The following LYST variants were observed in gnomAD, a reference collection of about 807,000 sequenced individuals.
LYST encodes lysosomal-trafficking regulator.
A neutral mutation model predicts 413.6 loss-of-function variants in LYST; 192 were observed. That is an observed-to-expected ratio of 0.46 (90% CI 0.41 to 0.52). The LOEUF is 0.52. Ranked by LOEUF, LYST falls within the 20% of genes least tolerant of loss-of-function variation. The pLI is 0.00. For missense variants in LYST, 3,815 were observed against 4,499.9 expected, an observed-to-expected ratio of 0.85 and a Z score of 4.35; for synonymous variants, 1,525 against 1,567.3, an observed-to-expected ratio of 0.97 and a Z score of 0.64.
In LYST at chr1:235,787,327, G is replaced by T; in HGVS notation, c.4735C>A (p.Gln1579Lys). ...AAAATATTCTCCTGTGATTCAACCT[G>T]TGCTAGTAAAACAGCTTTCATGTCA... is the stretch of plus-strand genomic sequence containing the variant. ...NDDMKAVLLA[Q>K]VESQENIFLP... Residue 1579 changes from glutamine (Q) to lysine (K), a missense_variant, in exon 14 of 53, where the codon CAG (glutamine) becomes AAG (lysine). Gln to Lys is a moderately conservative substitution (Grantham distance 53, BLOSUM62 1). Coordinates refer to ENST00000389793, the MANE Select transcript of LYST (RefSeq NM_000081.4). The T allele has an allele frequency of 1.2e-6, 2 of 1,613,724 alleles. No homozygotes were observed. The highest frequency in any genetic ancestry group is 1.7e-6 in the Non-Finnish European group (2 of 1,179,748).
chr1:235,805,605 TTA>T (rs776364976), intron 6 of LYST, 136 bp downstream of exon 6: 55 of 273,758 alleles, frequency 2.0e-4, no homozygotes, highest in African/African-American at 3.6e-4. Flanking sequence ...AAGTAATATA[TTA>T]TATGTTATAT....
intron 4 of LYST, among the ~76,000 whole-genome samples, chr1:235,811,089 G>A (rs779828365): frequency 3.2e-4 from 48 of 152,230 alleles, no homozygotes; most frequent in Non-Finnish European, 5.1e-4. Context: ...AGGTTGCAGT[G>A]AGATGAGATC....
chr1:235,693,582 G>A, intron 46 of LYST, 96 bp from the exon 47 acceptor site: 2 of 1,315,890 alleles, frequency 1.5e-6, no homozygotes, highest in East Asian at 4.6e-5. Flanking sequence ...AGTTTACATA[G>A]CAGAACATAT....
intron 28 of LYST, chr1:235,747,188 C>T (rs553594078): frequency 4.5e-6 from 2 of 446,258 alleles, no homozygotes; most frequent in Non-Finnish European, 9.0e-6. Context: ...GGAGGTACAA[C>T]ACAGGTAGTG....
chr1:235,776,025 C>G (rs1264771025), intron 17 of LYST, among the ~76,000 whole-genome samples: 1 of 152,046 alleles, frequency 6.6e-6, no homozygotes, highest in Non-Finnish European at 1.5e-5. Flanking sequence ...GATCCAATCT[C>G]TATGTAACAA....
At position 235,806,069 on chromosome 1, in the gene LYST, C is replaced by A; in HGVS notation, c.3067G>T (p.Asp1023Tyr). 1 of 1,613,662 alleles carries A rather than the reference C, an allele frequency of 6.2e-7. No individual in the cohort carries two copies. Among genetic ancestry groups the A allele is most frequent in the Non-Finnish European group, 8.5e-7 (1 of 1,179,822 alleles). The change falls in exon 6 of 53, where the codon GAT becomes TAT. Residue 1023 changes from aspartate to tyrosine, a missense_variant. Physicochemically the swap from Asp to Tyr is radical, Grantham distance 160. Coordinates refer to ENST00000389793, the MANE Select transcript of LYST (RefSeq NM_000081.4). ...EGDTSVNENQ[D>Y]LNRISQPKRT... is the part of the protein sequence containing the mutation. ...TTAGGTTGAGAAATTCTGTTTAAAT[C>A]CTGGTTTTCATTTACACTTGTATCT...
intron 42 of LYST, among the ~76,000 whole-genome samples, chr1:235,714,338 G>A (rs1662656270): frequency 6.6e-6 from 1 of 152,170 alleles, no homozygotes. Flanking sequence ...AAAAACAAGA[G>A]AGAGAGAGAA....
intron 14 of LYST, among the ~76,000 whole-genome samples, chr1:235,783,892 TA>T (rs1670133145): frequency 1.3e-5 from 2 of 150,200 alleles, no homozygotes; most frequent in African/African-American, 5.0e-5. Flanking sequence ...TTTTTTCTTT[TA>T]AATTGAGACA....
rs1424377779 is a variant in LYST at position 235,746,612 on chromosome 1, CA to C, written c.7781-86del. The C allele has an allele frequency of 2.0e-5, 20 of 1,014,502 alleles. 1 individual carries two copies. Among genetic ancestry groups the C allele is most frequent in the Middle Eastern group, 2.4e-4 (1 of 4,162 alleles). The allele number at this position is 1,014,502 out of a possible 1,614,324, so 62.8% of individuals were successfully genotyped here. A position where few individuals can be genotyped will look rare whatever the true frequency, so the allele number is the denominator to read the frequency against. ...ATTTTTGCTGAAATTTTTTGATTAC[CA>C]GACCATGAAAACAACCTTATTTACT... On this transcript the variant is annotated intron_variant, in intron 28 of 52. Transcript: ENST00000389793.
At chr1:235,670,648 AAG>A (rs1227029010) in intron 50 of LYST, among the ~76,000 whole-genome samples, 19 of 152,318 alleles carry the variant, frequency 1.2e-4, no homozygotes, top group Non-Finnish European at 2.5e-4. Flanking sequence ...TGCACAGACC[AAG>A]GTAAGAAAAG....
At position 235,674,938 on chromosome 1, in the gene LYST, C is replaced by T. The variant is rs935552828; in HGVS notation, c.11038+2153G>A. Among the ~76,000 whole-genome samples, 2 of 152,188 alleles carry T rather than the reference C, an allele frequency of 1.3e-5. No homozygotes were observed. The highest frequency in any genetic ancestry group is 1.3e-4 in the Admixed American group (2 of 15,276). On this transcript the variant is annotated intron_variant, in intron 50 of 52. Coordinates refer to ENST00000389793, the MANE Select transcript of LYST (RefSeq NM_000081.4). This position sits in a 1 kb window ranked among gnomAD's most constrained non-coding sequence, Gnocchi z 4.1. Reference sequence around the variant, plus strand: ...GTGTACTCATTCTTGTAAGTTGCTGCATCATACCTTGTATTCGTGGATCAA... The same window carrying T: ...GTGTACTCATTCTTGTAAGTTGCTGTATCATACCTTGTATTCGTGGATCAA...
At chr1:235,825,045 A>T (rs1034925694) in intron 3 of LYST, among the ~76,000 whole-genome samples, 5 of 152,254 alleles carry the variant, frequency 3.3e-5, no homozygotes, top group Middle Eastern at 3.4e-3. Context: ...AACAACAACA[A>T]CAACAACAAC....
In LYST at chr1:235,751,376, A is replaced by T. The variant is rs1301020579; in HGVS notation, c.7628-14T>A. On this transcript the variant is annotated splice_polypyrimidine_tract_variant and intron_variant, in intron 27 of 52. Transcript: ENST00000389793. The stretch of plus-strand genomic sequence containing the variant: ...CAACAGCCATATCTAAAAACAGAAG[A>T]TACTAGAATGTTTTCAAGCTATGTG... 2 of 1,610,140 alleles carry T rather than the reference A, an allele frequency of 1.2e-6. No individual in the cohort carries two copies. Among genetic ancestry groups the T allele is most frequent in the Non-Finnish European group, 1.7e-6 (2 of 1,176,984 alleles).
intron 3 of LYST, among the ~76,000 whole-genome samples, chr1:235,820,970 TTG>T (rs1674687763): frequency 6.6e-6 from 1 of 152,274 alleles, no homozygotes; most frequent in Non-Finnish European, 1.5e-5. Context: ...GGATGAGTTC[TTG>T]GATTTTTCTG....
intron 3 of LYST, among the ~76,000 whole-genome samples, chr1:235,826,251 T>C (rs899375810): frequency 2.0e-5 from 3 of 152,196 alleles, no homozygotes; most frequent in Admixed American, 6.5e-5. Flanking sequence ...TAAACAAACA[T>C]TACCCTTTGC....
chr1:235,806,915 A>T lies in LYST; in HGVS notation c.2364-143T>A, dbSNP rs1282004571. Reference sequence around the variant, plus strand: ...TTTTATTCATCAATTATCAGGCTAAAGTTCTTAGTTAGATATAATTAGGAC... The same window carrying T: ...TTTTATTCATCAATTATCAGGCTAATGTTCTTAGTTAGATATAATTAGGAC... On this transcript the variant is annotated intron_variant, in intron 5 of 52. Coordinates refer to ENST00000389793, the MANE Select transcript of LYST (RefSeq NM_000081.4). 4.6e-6 allele frequency: 3 copies of T among 656,868 alleles called. No homozygotes were observed. The Admixed American group carries it at 8.2e-5, about 18-fold the overall frequency. 40.7% of individuals were successfully genotyped at this position (656,868 alleles called of 1,614,324 possible).
chr1:235,862,518 G>A (rs1279247942), intron 1 of LYST, among the ~76,000 whole-genome samples: 5 of 152,172 alleles, frequency 3.3e-5, no homozygotes, highest in East Asian at 1.9e-4. Context: ...CCCCAAGGCC[G>A]GGTGCGGTGG....
At chr1:235,869,445 C>T (rs1383749480), upstream of LYST, among the ~76,000 whole-genome samples, 1 of 152,040 alleles carries the variant, frequency 6.6e-6, no homozygotes, top group East Asian at 1.9e-4. Flanking sequence ...ACAGTCTGGC[C>T]CGGGTGAAAG....
chr1:235,722,405 A>G (rs571310508), intron 39 of LYST, among the ~76,000 whole-genome samples: 4 of 152,208 alleles, frequency 2.6e-5, no homozygotes, highest in Admixed American at 1.3e-4. Flanking sequence ...GAGAAATGGT[A>G]GTGAAGGGAC....
Sources: allele counts gnomAD v4.1 joint callset (sites outside exome capture counted in the v4.1 genomes callset), GRCh38; gene constraint gnomAD v4.1.1; non-coding constraint Gnocchi (gnomAD v3.1); transcripts MANE v1.5; gene names NCBI Gene and HGNC (gene_info 2026-07-23, HGNC 2026-07-21).